Variants in SPRR2F observed in about 807,000 individuals in gnomAD.
The protein encoded by SPRR2F is small proline-rich protein 2F.
In SPRR2F, 2 loss-of-function variants were observed where a neutral mutation model predicts 0.8. That is an observed-to-expected ratio of 2.52 (90% CI 1.03 to 7.95). The LOEUF (loss-of-function observed/expected upper bound fraction) is 7.95. SPRR2F is among the 30% of genes most tolerant of loss of function. The probability of loss-of-function intolerance (pLI) is 0.04; values close to 1 mark genes in which losing one functional copy is unlikely to be tolerated. For missense variants in SPRR2F, 80 were observed against 85.8 expected (o/e 0.93, Z 0.27); for synonymous variants, 39 against 33.4 (o/e 1.17, Z -0.58).
chr1:153,114,454 T>A (rs1655678123), upstream of SPRR2F, among the ~76,000 whole-genome samples: 1 of 152,190 alleles, frequency 6.6e-6, no homozygotes, highest in South Asian at 2.1e-4. Flanking sequence ...CCTATATGAT[T>A]CCCTGAAACC....
upstream of SPRR2F, among the ~76,000 whole-genome samples, chr1:153,113,866 T>C (rs931869319): frequency 6.6e-6 from 1 of 152,122 alleles, no homozygotes; most frequent in South Asian, 2.1e-4. Flanking sequence ...CTTCCTGTCC[T>C]GATCCACTTT....
Position 153,112,427 on chromosome 1 carries a change from G to C in SPRR2F, c.*88C>G. On this transcript the variant is annotated 3_prime_UTR_variant, in exon 2 of 2. Coordinates refer to ENST00000468739, the MANE Select transcript of SPRR2F (RefSeq NM_001014450.3). The stretch of plus-strand genomic sequence containing the variant: ...GAAGCTCCCTGTGTATCCCTGGATG[G>C]CTTTGATGAGAAGATGCAGGTGGAG... 1 of 1,542,232 alleles carries C rather than the reference G, an allele frequency of 6.5e-7. No individual in the cohort carries two copies. Among genetic ancestry groups the C allele is most frequent in the South Asian group, 1.3e-5 (1 of 79,156 alleles).
chr1:153,113,903 A>G (rs1655659481), upstream of SPRR2F, among the ~76,000 whole-genome samples: 1 of 151,296 alleles, frequency 6.6e-6, no homozygotes, highest in African/African-American at 2.4e-5. Context: ...TTGTACATGA[A>G]CCCATCTCCA....
In SPRR2F at chr1:153,112,553, G is replaced by C; in HGVS notation, c.181C>G (p.Pro61Ala). 1 of 1,612,670 alleles carries C rather than the reference G, an allele frequency of 6.2e-7. No homozygotes were observed. ...GGTGGACACTTTGGCTGGCAGGGTG[G>C]GGAAGGTGTCACAGGAGGACATTTC... ...QQKCPPVTPS[P>A]PCQPKCPPKS... Residue 61 changes from proline (P) to alanine (A), a missense_variant, in exon 2 of 2, where the codon CCA (proline) becomes GCA (alanine). Transcript: ENST00000468739.
At chr1:153,118,595 C>G in the SPRR2F span, among the ~76,000 whole-genome samples, 1 of 151,968 alleles carries the variant, frequency 6.6e-6, no homozygotes, top group Non-Finnish European at 1.5e-5. Flanking sequence ...AAATGGCAAC[C>G]TAGAATTTCG....
At chr1:153,114,811 C>A (rs767471962), upstream of SPRR2F, among the ~76,000 whole-genome samples, 5 of 152,132 alleles carry the variant, frequency 3.3e-5, no homozygotes, top group Non-Finnish European at 5.9e-5. Flanking sequence ...ATAGTGACTC[C>A]TCTTTCATAT....
chr1:153,112,167 T>A lies in SPRR2F; in HGVS notation c.*348A>T. On this transcript the variant is annotated 3_prime_UTR_variant, in exon 2 of 2. Transcript: ENST00000468739. ...CAGGGAGTGAAAGGAAAGTGACAAC[T>A]GCACAGGTGGTGGAAGCTCATGCCC... 2 of 376,124 alleles carry A rather than the reference T, an allele frequency of 5.3e-6. No homozygotes were observed. Among genetic ancestry groups the A allele is most frequent in the Non-Finnish European group, 4.8e-6 (1 of 210,362 alleles). The allele number at this position is 376,124 out of a possible 1,614,324, so 23.3% of individuals were successfully genotyped here. A position where few individuals can be genotyped will look rare whatever the true frequency, so the allele number is the denominator to read the frequency against.
chr1:153,118,889 ATATAAT>A, the SPRR2F span, among the ~76,000 whole-genome samples: 2 of 152,216 alleles, frequency 1.3e-5, no homozygotes, highest in African/African-American at 4.8e-5. Context: ...AATTCATAAA[ATATAAT>A]TATAAGCCAA....
Position 153,112,676 on chromosome 1 carries a change from C to G in SPRR2F, c.58G>C (p.Ala20Pro). The change falls in exon 2 of 2, where the codon GCG becomes CCG. Residue 20 changes from alanine to proline, a missense_variant. Transcript: ENST00000468739. ...GGACATGGCTCTGGGCACTTTGGCGCGGGGCACACAGGAGGTGGCTGGCAG... is the reference window on the plus strand; with the variant it reads ...GGACATGGCTCTGGGCACTTTGGCGGGGGGCACACAGGAGGTGGCTGGCAG... ...QPCQPPPVCP[A>P]PKCPEPCPPP... is the part of the protein sequence containing the mutation. The G allele has an allele frequency of 1.9e-6, 3 of 1,605,508 alleles. No individual in the cohort carries two copies. In the South Asian group the frequency reaches 3.3e-5, roughly 18 times the overall value.
At chr1:153,114,144 C>G (rs1655670623), upstream of SPRR2F, among the ~76,000 whole-genome samples, 1 of 151,650 alleles carries the variant, frequency 6.6e-6, no homozygotes, top group South Asian at 2.1e-4. Context: ...TGACCCTGTT[C>G]AAGCCAGAAA....
upstream of SPRR2F, among the ~76,000 whole-genome samples, chr1:153,114,611 CCT>C (rs1181516635): frequency 3.3e-5 from 5 of 151,918 alleles, no homozygotes; most frequent in Non-Finnish European, 4.4e-5. Flanking sequence ...GTATTCTTCC[CCT>C]CTGTTTCTAA....
chr1:153,118,153 G>T (rs1006314076), upstream of SPRR2F, among the ~76,000 whole-genome samples: 1 of 151,952 alleles, frequency 6.6e-6, no homozygotes, highest in East Asian at 1.9e-4. Flanking sequence ...ATCCACCAAG[G>T]TGTCCTTCAG....
Position 153,112,726 on chromosome 1 carries a change from T to C in SPRR2F, c.8A>G (p.Tyr3Cys), listed in dbSNP as rs765240749. ...GGGCTGCTTGCACTGCTGCTGTTGA[T>C]AAGACATCCTGCTGGAGTCTCAGAA... MSYQQQQCKQPCQ... is the reference protein window; with the variant it reads MSCQQQQCKQPCQ... Residue 3 changes from tyrosine to cysteine, a missense_variant, in exon 2 of 2, where the codon TAT becomes TGT. By Grantham distance (194) the Tyr-to-Cys change is radical. Coordinates refer to ENST00000468739, the MANE Select transcript of SPRR2F (RefSeq NM_001014450.3). 5.6e-6 allele frequency: 9 copies of C among 1,611,736 alleles called. No individual in the cohort carries two copies. The highest frequency in any genetic ancestry group is 4.4e-4 in the Middle Eastern group (2 of 4,564).
upstream of SPRR2F, among the ~76,000 whole-genome samples, chr1:153,117,307 T>G (rs1454034480): frequency 1.3e-5 from 2 of 152,020 alleles, no homozygotes; most frequent in Non-Finnish European, 2.9e-5. Context: ...TTGTTCTTAG[T>G]TATTTGGACT....
upstream of SPRR2F, among the ~76,000 whole-genome samples, chr1:153,113,769 G>A (rs1655654843): frequency 6.6e-6 from 1 of 152,062 alleles, no homozygotes; most frequent in Non-Finnish European, 1.5e-5. Context: ...GGGACTTGGG[G>A]GATTCTCTAA....
the SPRR2F span, among the ~76,000 whole-genome samples, chr1:153,119,214 G>A: frequency 6.6e-6 from 1 of 152,196 alleles, no homozygotes; most frequent in Admixed American, 6.5e-5. Context: ...AATGCGGAAG[G>A]AAGACCTTCG....
rs756127754 is a variant in SPRR2F at position 153,112,466 on chromosome 1, T to C, written c.*49A>G. On this transcript the variant is annotated 3_prime_UTR_variant, in exon 2 of 2. Coordinates refer to ENST00000468739, the MANE Select transcript of SPRR2F (RefSeq NM_001014450.3). ...ATGCAGGTGGAGCTGTGGAACGAGG[T>C]GAGCCAATTATCCTTATCCTTTCAT... 105 of 1,574,712 alleles carry C rather than the reference T, an allele frequency of 6.7e-5. No homozygotes were observed. Among genetic ancestry groups the C allele is most frequent in the Non-Finnish European group, 8.8e-5 (102 of 1,160,304 alleles).
At chr1:153,112,986 G>A (rs1459061990) in intron 1 of SPRR2F, among the ~76,000 whole-genome samples, 2 of 152,040 alleles carry the variant, frequency 1.3e-5, no homozygotes, top group Non-Finnish European at 2.9e-5. Flanking sequence ...TATCTCTGTA[G>A]TAAACAACCA....
chr1:153,112,608 T>C lies in SPRR2F; in HGVS notation c.126A>G (p.Pro42=). The C allele has an allele frequency of 6.2e-7, 1 of 1,612,762 alleles. No homozygotes were observed. The highest frequency in any genetic ancestry group is 8.5e-7 in the Non-Finnish European group (1 of 1,179,828). Residue 42 remains proline, a synonymous_variant, in exon 2 of 2, where the codon CCA becomes CCG. Coordinates refer to ENST00000468739, the MANE Select transcript of SPRR2F (RefSeq NM_001014450.3). ...GGCACTGCTGAGGTGGGCAGGACTG[T>C]GGACACTTTGATGGTGGGCAGGGCT... ...CPEPCPPSKC[P]QSCPPQQCQQ... is the part of the protein sequence containing the mutation.
Sources: gnomAD v4.1 joint callset for allele counts (sites outside exome capture counted in the v4.1 genomes callset) on GRCh38, gnomAD v4.1.1 for gene constraint, MANE v1.5 for transcripts, NCBI Gene and HGNC (gene_info 2026-07-23, HGNC 2026-07-21) for gene names.